The following NRDC variants were observed in gnomAD, a reference collection of about 807,000 sequenced individuals.
NRDC encodes the protein nardilysin convertase, also known as nardilysin.
Under a neutral mutation model 147.1 loss-of-function variants are expected in NRDC, and 54 were observed. That is an observed-to-expected ratio of 0.37 (90% CI 0.29 to 0.46). The LOEUF (loss-of-function observed/expected upper bound fraction) is 0.46. Ranked by LOEUF, NRDC falls within the 20% of genes least tolerant of loss-of-function variation. The pLI is 1.00. For synonymous variants in NRDC, 440 were observed against 482.1 expected (o/e 0.91, Z 1.14); for missense variants, 1,082 against 1,370.6 (o/e 0.79, Z 3.33).
At chr1:51,809,955 C>T (rs1679639263) in intron 16 of NRDC, among the ~76,000 whole-genome samples, 1 of 151,648 alleles carries the variant, frequency 6.6e-6, no homozygotes, top group East Asian at 1.9e-4. Flanking sequence ...TCAGGCCCTA[C>T]CCAGACCCTC....
intron 4 of NRDC, among the ~76,000 whole-genome samples, chr1:51,833,654 G>A (rs150295877): frequency 6.6e-6 from 1 of 152,060 alleles, no homozygotes; most frequent in Non-Finnish European, 1.5e-5. Flanking sequence ...TGTCACCCAG[G>A]CTGGAGTGCA....
intron 17 of NRDC, 125 bp from the exon 18 acceptor site, chr1:51,807,038 G>C: frequency 9.1e-7 from 1 of 1,102,092 alleles, no homozygotes. Context: ...TCAAATGTTG[G>C]AATACATTAA....
At chr1:51,840,611 G>A (rs1296034283) in intron 1 of NRDC, 97 bp from the exon 2 acceptor site, 5 of 837,390 alleles carry the variant, frequency 6.0e-6, no homozygotes, top group Non-Finnish European at 7.4e-6. Flanking sequence ...AAGAATCCAA[G>A]TAAAAGTACA....
chr1:51,876,655 T>C (rs937085263), intron 1 of NRDC, among the ~76,000 whole-genome samples: 22 of 152,120 alleles, frequency 1.4e-4, no homozygotes, highest in African/African-American at 5.1e-4. Flanking sequence ...AAAATTTAGC[T>C]CATTTATAAA....
chr1:51,819,704 G>T (rs1360809632), intron 9 of NRDC, 96 bp downstream of exon 9: 3 of 935,672 alleles, frequency 3.2e-6, no homozygotes, highest in Non-Finnish European at 5.0e-6. Flanking sequence ...ATTTTCTGTT[G>T]TGTTCTCATT....
At chr1:51,867,293 C>A (rs1016660898) in intron 1 of NRDC, among the ~76,000 whole-genome samples, 2 of 152,134 alleles carry the variant, frequency 1.3e-5, no homozygotes, top group Admixed American at 6.6e-5. Flanking sequence ...ATTCTAGGCA[C>A]TGGCGATATA....
intron 1 of NRDC, among the ~76,000 whole-genome samples, chr1:51,852,325 T>C (rs909678480): frequency 4.6e-5 from 7 of 151,922 alleles, no homozygotes; most frequent in African/African-American, 1.7e-4. Context: ...ATCAACTGTT[T>C]GTCCCAGCTA....
chr1:51,820,017 G>T, intron 8 of NRDC, 144 bp from the exon 9 acceptor site: 1 of 626,722 alleles, frequency 1.6e-6, no homozygotes. Context: ...CAAATAGATG[G>T]CAACACAGCC....
At chr1:51,846,256 G>C (rs1460839432) in intron 1 of NRDC, among the ~76,000 whole-genome samples, 1 of 152,008 alleles carries the variant, frequency 6.6e-6, no homozygotes, top group Admixed American at 6.6e-5. Context: ...GGGACCACAG[G>C]CGTGCACCAC....
At chr1:51,842,559 C>T (rs759388375) in intron 1 of NRDC, among the ~76,000 whole-genome samples, 5 of 152,152 alleles carry the variant, frequency 3.3e-5, no homozygotes, top group Non-Finnish European at 5.9e-5. Context: ...ATTTTCTTCA[C>T]AGTGGAATAT....
At chr1:51,796,608 CGAG>C (rs1678928497) in intron 22 of NRDC, among the ~76,000 whole-genome samples, 1 of 136,342 alleles carries the variant, frequency 7.3e-6, no homozygotes, top group East Asian at 2.3e-4. Flanking sequence ...TTTTTTTAGA[CGAG>C]GAGTCTCACT....
intron 1 of NRDC, among the ~76,000 whole-genome samples, chr1:51,860,585 TA>T (rs1488115094): frequency 6.6e-6 from 1 of 152,210 alleles, no homozygotes; most frequent in African/African-American, 2.4e-5. Flanking sequence ...TACTTCTATC[TA>T]CTTTTTCATC....
chr1:51,852,243 A>C (rs1681987865), intron 1 of NRDC, among the ~76,000 whole-genome samples: 1 of 151,654 alleles, frequency 6.6e-6, no homozygotes, highest in Non-Finnish European at 1.5e-5. Flanking sequence ...TGAAGTCATA[A>C]CCCTGGCTAA....
At chr1:51,873,364 A>G (rs1216377936) in intron 1 of NRDC, among the ~76,000 whole-genome samples, 1 of 152,146 alleles carries the variant, frequency 6.6e-6, no homozygotes, top group Non-Finnish European at 1.5e-5. Flanking sequence ...CACTCACTGG[A>G]ATTGTGATCC....
intron 3 of NRDC, among the ~76,000 whole-genome samples, chr1:51,835,828 C>T (rs1255910221): frequency 2.6e-5 from 4 of 152,182 alleles, no homozygotes; most frequent in Non-Finnish European, 5.9e-5. Context: ...ACTGCCCTCC[C>T]CAGGACTGGT....
At chr1:51,824,415 C>T (rs948237074) in intron 6 of NRDC, among the ~76,000 whole-genome samples, 2 of 152,072 alleles carry the variant, frequency 1.3e-5, no homozygotes, top group South Asian at 2.1e-4. Context: ...TGAGCCACCG[C>T]GCCCGGCTAT....
At position 51,853,241 on chromosome 1, in the gene NRDC, T is replaced by TA. The variant is rs1557932486; in HGVS notation, c.342-12728dup. Among the ~76,000 whole-genome samples, 499 of 150,128 alleles carry TA rather than the reference T, an allele frequency of 3.3e-3. 2 individuals are homozygous for TA. Among genetic ancestry groups the TA allele is most frequent in the African/African-American group, 0.012 (483 of 40,874 alleles). On this transcript the variant is annotated intron_variant, in intron 1 of 30. Transcript: ENST00000352171. ...CAAAAAAAAATATATATATATATAT[T>TA]ATATAAAAGAATTCCTTTATTTTGG...
At chr1:51,825,141 T>G (rs1680386320) in intron 6 of NRDC, 146 bp downstream of exon 6, 7 of 608,838 alleles carry the variant, frequency 1.1e-5, no homozygotes. Context: ...TTTAACAACT[T>G]CGCGTTTGAA....
At chr1:51,813,000 C>G (rs560164780) in intron 14 of NRDC, among the ~76,000 whole-genome samples, 15 of 146,992 alleles carry the variant, frequency 1.0e-4, no homozygotes, top group African/African-American at 3.8e-4. Flanking sequence ...AATGTGTTGA[C>G]TGGGCATGGT....
Sources: allele counts gnomAD v4.1 joint callset (sites outside exome capture counted in the v4.1 genomes callset), GRCh38; gene constraint gnomAD v4.1.1; transcripts MANE v1.5; gene names NCBI Gene and HGNC (gene_info 2026-07-23, HGNC 2026-07-21).